Variants in NELL1 observed in about 807,000 individuals in gnomAD.
NELL1 encodes the protein neural EGFL like 1.
Under a neutral mutation model 107.4 loss-of-function variants are expected in NELL1, and 76 were observed. The ratio of observed to expected loss-of-function variants is 0.71; its 90% CI spans 0.59 to 0.86. The LOEUF (loss-of-function observed/expected upper bound fraction) is 0.86, where lower values mean the gene tolerates loss of function less well. NELL1 is among the 40% of genes least tolerant of loss of function. The pLI, the probability that NELL1 is intolerant of heterozygous loss-of-function variation, is 0.00. For synonymous variants in NELL1, 353 were observed against 341.2 expected (o/e 1.03, Z -0.38); for missense variants, 1,024 against 1,005.5 (o/e 1.02, Z -0.25).
intron 12 of NELL1, among the ~76,000 whole-genome samples, chr11:20,966,850 C>A (rs1177335042): frequency 6.6e-6 from 1 of 151,884 alleles, no homozygotes; most frequent in Non-Finnish European, 1.5e-5. Flanking sequence ...CGCCCCCTGC[C>A]CCGACACACA....
Position 21,079,752 on chromosome 11 carries a change from G to C in NELL1, c.1301-33837G>C, listed in dbSNP as rs563236733. ...TATTTTGAAATAAATTCATATCTTT[G>C]CATATTTTGTCATTCCAGGAAGTGT... On this transcript the variant is annotated intron_variant, in intron 12 of 19. Transcript: ENST00000357134. Among the ~76,000 whole-genome samples the C allele has an allele frequency of 2.0e-5, 3 of 152,154 alleles. No homozygotes were observed. The South Asian group carries it at 6.2e-4, about 32-fold the overall frequency.
At chr11:20,696,224 C>T (rs1006788211) in intron 2 of NELL1, among the ~76,000 whole-genome samples, 8 of 152,036 alleles carry the variant, frequency 5.3e-5, no homozygotes, top group African/African-American at 2.4e-5. Context: ...TTCAAATACC[C>T]AACTTTTGGT....
intron 12 of NELL1, among the ~76,000 whole-genome samples, chr11:21,056,428 T>C (rs16907392): frequency 0.021 from 3,193 of 152,246 alleles, 93 homozygotes; most frequent in African/African-American, 0.071. Flanking sequence ...GTCCCTGTTT[T>C]ACTCTTCATC....
intron 1 of NELL1, among the ~76,000 whole-genome samples, chr11:20,673,331 C>G (rs192824155): frequency 2.0e-5 from 3 of 152,280 alleles, no homozygotes; most frequent in Admixed American, 2.0e-4. Flanking sequence ...TATTAAGGAC[C>G]TTCGTAGGTG....
intron 2 of NELL1, among the ~76,000 whole-genome samples, 184 bp downstream of exon 2, chr11:20,678,244 G>A (rs1248904070): frequency 6.6e-6 from 1 of 152,128 alleles, no homozygotes; most frequent in Non-Finnish European, 1.5e-5. Flanking sequence ...TAGAGATCAT[G>A]GTGGTAAAAT....
chr11:21,199,330 A>G (rs2133845795), intron 13 of NELL1, among the ~76,000 whole-genome samples: 1 of 152,288 alleles, frequency 6.6e-6, no homozygotes, highest in South Asian at 2.1e-4. Flanking sequence ...GTCAACCAAG[A>G]CAGAGTACCC....
chr11:20,730,997 T>C (rs1256792359), intron 2 of NELL1, among the ~76,000 whole-genome samples: 1 of 152,218 alleles, frequency 6.6e-6, no homozygotes, highest in Non-Finnish European at 1.5e-5. Flanking sequence ...TCTTTGGTCA[T>C]TGTTCTTTTC....
chr11:20,872,671 G>GGTGTGTGTGTGTGTGTGTGTGTGTGT (rs61184129), intron 4 of NELL1, among the ~76,000 whole-genome samples: 1 of 137,094 alleles, frequency 7.3e-6, no homozygotes, highest in Non-Finnish European at 1.6e-5. Context: ...CAGTGTTTGA[G>GGTGTGTGTGTGTGTGTGTGTGTGTGT]GTGTGTGTGT....
intron 14 of NELL1, among the ~76,000 whole-genome samples, chr11:21,307,397 GA>G (rs1163056705): frequency 3.3e-5 from 5 of 149,892 alleles, no homozygotes; most frequent in Admixed American, 2.0e-4. Flanking sequence ...TTATGTAACA[GA>G]AAAAAAAGAA....
At chr11:21,500,801 A>T (rs968156334) in intron 15 of NELL1, among the ~76,000 whole-genome samples, 2 of 152,048 alleles carry the variant, frequency 1.3e-5, no homozygotes, top group African/African-American at 4.8e-5. Flanking sequence ...TTTGAACTTT[A>T]TTCCTACTCT....
chr11:21,094,118 G>C (rs1349358036), intron 12 of NELL1, among the ~76,000 whole-genome samples: 2 of 152,082 alleles, frequency 1.3e-5, no homozygotes, highest in Non-Finnish European at 2.9e-5. Context: ...ACGGGATTGG[G>C]TAAATACAGC....
chr11:20,988,449 A>T (rs1851899138), intron 12 of NELL1, among the ~76,000 whole-genome samples: 1 of 134,470 alleles, frequency 7.4e-6, no homozygotes, highest in African/African-American at 2.9e-5. Context: ...CTATATATAC[A>T]CATGTACATA....
chr11:21,571,080 C>T, intron 18 of NELL1, 140 bp downstream of exon 18: 1 of 655,630 alleles, frequency 1.5e-6, no homozygotes, highest in South Asian at 2.3e-5. Flanking sequence ...GGGTCATGTT[C>T]TCTTCCTAAA....
intron 13 of NELL1, among the ~76,000 whole-genome samples, chr11:21,166,344 A>G (rs886390789): frequency 6.6e-6 from 1 of 151,904 alleles, no homozygotes; most frequent in Non-Finnish European, 1.5e-5. Context: ...CAGAGTGACT[A>G]CAGTAAAAAA....
chr11:20,990,210 GT>G (rs566170113), intron 12 of NELL1, among the ~76,000 whole-genome samples: 36 of 152,226 alleles, frequency 2.4e-4, no homozygotes, highest in African/African-American at 7.7e-4. Context: ...GGCAGGTCCT[GT>G]ATGACCATCC....
chr11:20,788,326 T>C lies in NELL1; in HGVS notation c.335+4496T>C, dbSNP rs545960016. ...TGTTTTACATTCCCCGAAGCAGCGTTTGAGGGTTTCGATTTTTCCACATCC... is the reference window on the plus strand; with the variant it reads ...TGTTTTACATTCCCCGAAGCAGCGTCTGAGGGTTTCGATTTTTCCACATCC... On this transcript the variant is annotated intron_variant, in intron 3 of 19. Coordinates refer to ENST00000357134, the MANE Select transcript of NELL1 (RefSeq NM_006157.5). Among the ~76,000 whole-genome samples the C allele has an allele frequency of 7.2e-4, 109 of 152,308 alleles. 1 individual carries two copies. The highest frequency in any genetic ancestry group is 2.5e-3 in the African/African-American group (104 of 41,576).
chr11:21,203,095 C>A (rs1348140166), intron 13 of NELL1, among the ~76,000 whole-genome samples: 2 of 152,250 alleles, frequency 1.3e-5, no homozygotes, highest in South Asian at 2.1e-4. Context: ...AATGTATATT[C>A]TGTTGATCTG....
chr11:20,862,614 T>G (rs915183807), intron 4 of NELL1, among the ~76,000 whole-genome samples: 25 of 144,530 alleles, frequency 1.7e-4, no homozygotes, highest in African/African-American at 6.4e-4. Context: ...GCTTTTTTTT[T>G]TTTTTTTTTT....
chr11:20,953,936 G>A (rs2134206200), intron 11 of NELL1, among the ~76,000 whole-genome samples: 1 of 152,262 alleles, frequency 6.6e-6, no homozygotes, highest in Admixed American at 6.5e-5. Context: ...ATTTTTTGCT[G>A]TATTCCTATT....
Sources: gnomAD v4.1 joint callset for allele counts (sites outside exome capture counted in the v4.1 genomes callset) on GRCh38, gnomAD v4.1.1 for gene constraint, MANE v1.5 for transcripts, NCBI Gene and HGNC (gene_info 2026-07-23, HGNC 2026-07-21) for gene names.